Variants in NAALADL2 observed in about 807,000 individuals in gnomAD.
NAALADL2 encodes N-acetylated alpha-linked acidic dipeptidase like 2, also known as inactive N-acetylated-alpha-linked acidic dipeptidase-like protein 2.
In NAALADL2, 76 loss-of-function variants were observed where a neutral mutation model predicts 87.2. The ratio of observed to expected loss-of-function variants is 0.87; its 90% confidence interval spans 0.72 to 1.05. The LOEUF (loss-of-function observed/expected upper bound fraction) is 1.05, where lower values mean the gene tolerates loss of function less well. Among genes scored for constraint, NAALADL2 ranks in the 50% least tolerant of loss-of-function variants. The pLI is 0.00. For synonymous variants in NAALADL2, 354 were observed against 331.0 expected, an observed-to-expected ratio of 1.07 and a Z score of -0.75; for missense variants, 1,089 against 945.8, an observed-to-expected ratio of 1.15 and a Z score of -1.99.
intron 1 of NAALADL2, among the ~76,000 whole-genome samples, chr3:174,987,462 G>T (rs1435334170): frequency 1.4e-5 from 2 of 143,372 alleles, no homozygotes; most frequent in African/African-American, 2.7e-5. Context: ...CCAGCTACTT[G>T]GGAGGCTGAG....
intron 2 of NAALADL2, among the ~76,000 whole-genome samples, chr3:175,140,607 G>C (rs1729848499): frequency 4.6e-5 from 7 of 152,072 alleles, no homozygotes; most frequent in Admixed American, 3.9e-4. Context: ...CATACCATGG[G>C]GGGAGGTGCA....
At chr3:175,679,817 A>G (rs1735344291) in intron 11 of NAALADL2, among the ~76,000 whole-genome samples, 1 of 152,200 alleles carries the variant, frequency 6.6e-6, no homozygotes, top group African/African-American at 2.4e-5. Flanking sequence ...CATGCATTTC[A>G]GAGACTCAAT....
At chr3:174,649,397 A>T (rs1480197368) in intron 2 of NAALADL2, among the ~76,000 whole-genome samples, 1 of 152,178 alleles carries the variant, frequency 6.6e-6, no homozygotes, top group Admixed American at 6.5e-5. Context: ...AGTTATATAA[A>T]ATACATATAT....
chr3:175,560,028 A>C (rs1156305561), intron 9 of NAALADL2, among the ~76,000 whole-genome samples: 1 of 152,152 alleles, frequency 6.6e-6, no homozygotes, highest in Non-Finnish European at 1.5e-5. Context: ...GATGTTCTTT[A>C]AATGTTTGGT....
intron 2 of NAALADL2, among the ~76,000 whole-genome samples, chr3:175,107,981 TCTTTC>T (rs2108473246): frequency 6.6e-6 from 1 of 152,076 alleles, no homozygotes; most frequent in East Asian, 1.9e-4. Flanking sequence ...ATTGAAGTTC[TCTTTC>T]CTTTCATTAT....
At chr3:175,236,346 G>T (rs567566985) in intron 3 of NAALADL2, among the ~76,000 whole-genome samples, 20 of 151,972 alleles carry the variant, frequency 1.3e-4, no homozygotes, top group African/African-American at 4.6e-4. Context: ...AGGAGTTCGA[G>T]ACTAGCCTGA....
intron 5 of NAALADL2, among the ~76,000 whole-genome samples, chr3:175,328,137 G>A (rs980680888): frequency 2.0e-5 from 3 of 152,130 alleles, no homozygotes; most frequent in African/African-American, 7.2e-5. Flanking sequence ...TGTGAAGGAG[G>A]ATGTTTTCAG....
chr3:175,270,114 A>G (rs781638401), intron 4 of NAALADL2, among the ~76,000 whole-genome samples: 2 of 152,156 alleles, frequency 1.3e-5, no homozygotes, highest in African/African-American at 2.4e-5. Context: ...GCCTCTAACC[A>G]TTTTAGCATT....
intron 10 of NAALADL2, among the ~76,000 whole-genome samples, chr3:175,591,758 T>C (rs894297063): frequency 1.3e-5 from 2 of 149,330 alleles, no homozygotes; most frequent in Non-Finnish European, 3.0e-5. Flanking sequence ...TATTTATATA[T>C]GCGCATGTGG....
chr3:175,219,545 G>T (rs369747346), intron 2 of NAALADL2, among the ~76,000 whole-genome samples: 1 of 152,034 alleles, frequency 6.6e-6, no homozygotes, highest in East Asian at 1.9e-4. Flanking sequence ...AATCCAGTTT[G>T]TCAGTTTTGT....
intron 5 of NAALADL2, among the ~76,000 whole-genome samples, chr3:175,443,445 A>C (rs1720154398): frequency 6.6e-6 from 1 of 152,196 alleles, no homozygotes; most frequent in Non-Finnish European, 1.5e-5. Flanking sequence ...TTTATCTACA[A>C]AACTTAATTT....
At chr3:175,738,490 G>A (rs1024384740) in intron 12 of NAALADL2, among the ~76,000 whole-genome samples, 5 of 152,108 alleles carry the variant, frequency 3.3e-5, no homozygotes, top group African/African-American at 1.2e-4. Flanking sequence ...CAGGCAATCT[G>A]CCTGCCTCGG....
chr3:175,032,418 G>T (rs1249894203), intron 1 of NAALADL2, among the ~76,000 whole-genome samples: 1 of 151,898 alleles, frequency 6.6e-6, no homozygotes, highest in Non-Finnish European at 1.5e-5. Flanking sequence ...TTTATATCAA[G>T]AATTATATTG....
chr3:174,634,587 G>A (rs184525060), intron 2 of NAALADL2, among the ~76,000 whole-genome samples: 4 of 152,142 alleles, frequency 2.6e-5, no homozygotes, highest in Admixed American at 2.6e-4. Context: ...TGGTAGTCAT[G>A]ACAGATCCCC....
intron 6 of NAALADL2, among the ~76,000 whole-genome samples, chr3:175,456,814 G>A (rs9818285): frequency 6.6e-6 from 1 of 151,704 alleles, no homozygotes; most frequent in Admixed American, 6.6e-5. Context: ...TTACAATAGG[G>A]TCCAAACTAG....
At chr3:174,988,413 G>A (rs1746267130) in intron 1 of NAALADL2, among the ~76,000 whole-genome samples, 1 of 152,120 alleles carries the variant, frequency 6.6e-6, no homozygotes, top group Non-Finnish European at 1.5e-5. Context: ...ATGTAATATA[G>A]ATGTCATAAT....
intron 2 of NAALADL2, among the ~76,000 whole-genome samples, chr3:175,133,006 G>A (rs1389971845): frequency 2.6e-5 from 4 of 151,194 alleles, no homozygotes; most frequent in Non-Finnish European, 4.4e-5. Context: ...CCTCCCAGAC[G>A]GAGTCGCAGC....
chr3:175,701,175 G>A lies in NAALADL2; in HGVS notation c.1897-36131G>A, dbSNP rs145146606. On this transcript the variant is annotated intron_variant, in intron 11 of 13. Transcript: ENST00000454872. The stretch of plus-strand genomic sequence containing the variant: ...AGATTTCAGGTCTGCGCTCATTGGA[G>A]GCTGTAGGGTTGGGGAAGCTGGAGG... Among the ~76,000 whole-genome samples, 553 of 152,196 alleles carry A rather than the reference G, an allele frequency of 3.6e-3. 3 individuals are homozygous for A. The highest frequency in any genetic ancestry group is 0.013 in the African/African-American group (525 of 41,520).
chr3:174,904,306 C>T (rs186574110), intron 1 of NAALADL2, among the ~76,000 whole-genome samples: 1 of 151,802 alleles, frequency 6.6e-6, no homozygotes, highest in African/African-American at 2.4e-5. Flanking sequence ...ATGTTACCAA[C>T]TTATTAAGAA....
Sources: gnomAD v4.1 joint callset for allele counts (sites outside exome capture counted in the v4.1 genomes callset) on GRCh38, gnomAD v4.1.1 for gene constraint, MANE v1.5 for transcripts, NCBI Gene and HGNC (gene_info 2026-07-23, HGNC 2026-07-21) for gene names.